The following JAG1 variants were observed in gnomAD, a reference collection of about 807,000 sequenced individuals.
JAG1 encodes the protein protein jagged-1.
A neutral mutation model predicts 148.7 loss-of-function variants in JAG1; 23 were observed. The ratio of observed to expected loss-of-function variants is 0.15; its 90% confidence interval spans 0.11 to 0.22. The LOEUF is 0.22. Ranked by LOEUF, JAG1 falls within the 10% of genes least tolerant of loss-of-function variation. The pLI, the probability that JAG1 is intolerant of heterozygous loss-of-function variation, is 1.00. For synonymous variants in JAG1, 572 were observed against 598.3 expected (o/e 0.96, Z 0.64); for missense variants, 1,054 against 1,611.2 (o/e 0.65, Z 5.92).
Position 10,673,173 on chromosome 20 carries a change from A to T in JAG1, c.82-167T>A. The T allele has an allele frequency of 1.4e-6, 1 of 696,114 alleles. No individual in the cohort carries two copies. The highest frequency in any genetic ancestry group is 1.8e-5 in the South Asian group (1 of 56,846). 43.1% of individuals were successfully genotyped at this position (696,114 alleles called of 1,614,324 possible). On this transcript the variant is annotated intron_variant, in intron 1 of 25. Transcript: ENST00000254958. The surrounding 1 kb of genome is among the most constrained non-coding windows in gnomAD (Gnocchi z 4.7). ...CTCAACATGATTCCGGGGCAAAAAA[A>T]AAAAAAAATGCACGAGTGCGGAAGA...
chr20:10,656,335 G>A (rs1600187766), intron 5 of JAG1, 63 bp downstream of exon 5: 1 of 1,332,106 alleles, frequency 7.5e-7, no homozygotes, highest in Non-Finnish European at 1.1e-6. Context: ...TCACAATAAA[G>A]TCAGTTCCTC....
Position 10,639,387 on chromosome 20 carries a change from T to C in JAG1, c.*111A>G, listed in dbSNP as rs1012617532. On this transcript the variant is annotated 3_prime_UTR_variant, in exon 26 of 26. Transcript: ENST00000254958. ...GTAAGCCAGCTTGTCAAAACTTAAA[T>C]TAACACAGGGATTCTAAGTCAGCAA... 11 of 1,034,518 alleles carry C rather than the reference T, an allele frequency of 1.1e-5. No homozygotes were observed. The highest frequency in any genetic ancestry group is 1.7e-5 in the Non-Finnish European group (11 of 653,498). 64.1% of individuals were successfully genotyped at this position (1,034,518 alleles called of 1,614,324 possible).
At chr20:10,654,238 T>G (rs552591706) in intron 5 of JAG1, among the ~76,000 whole-genome samples, 2 of 152,284 alleles carry the variant, frequency 1.3e-5, no homozygotes, top group African/African-American at 4.8e-5. Context: ...CAACCTCACC[T>G]AATTAAAGAG....
chr20:10,663,824 C>A, intron 3 of JAG1, 139 bp downstream of exon 3: 1 of 747,492 alleles, frequency 1.3e-6, no homozygotes. Flanking sequence ...GAAGGTTCAC[C>A]CTGGGGTACA....
intron 9 of JAG1, among the ~76,000 whole-genome samples, chr20:10,649,913 G>C (rs971326502): frequency 2.0e-5 from 3 of 152,164 alleles, no homozygotes; most frequent in Non-Finnish European, 4.4e-5. Flanking sequence ...CAAAACCCAG[G>C]CAGCCTAGTT....
chr20:10,650,741 T>G (rs537270367), intron 8 of JAG1: 1 of 281,622 alleles, frequency 3.6e-6, no homozygotes, highest in Non-Finnish European at 6.9e-6. Flanking sequence ...GTGGAAAACC[T>G]TATTCCTCTC....
At position 10,645,867 on chromosome 20, in the gene JAG1, G is replaced by A; in HGVS notation, c.1999+104C>T. 2.4e-6 allele frequency: 2 copies of A among 842,426 alleles called. No homozygotes were observed. Among genetic ancestry groups the A allele is most frequent in the South Asian group, 1.3e-5 (1 of 75,496 alleles). The allele number at this position is 842,426 out of a possible 1,614,324, so 52.2% of individuals were successfully genotyped here. A position where few individuals can be genotyped will look rare whatever the true frequency, so the allele number is the denominator to read the frequency against. On this transcript the variant is annotated intron_variant, in intron 15 of 25. Coordinates refer to ENST00000254958, the MANE Select transcript of JAG1 (RefSeq NM_000214.3). The surrounding 1 kb of genome is among the most constrained non-coding windows in gnomAD (Gnocchi z 6.1). ...CCAGTGCAGAAATCACTGCGGTCTT[G>A]CTTCCAGAGATTTCCAGTACAAAGA...
At chr20:10,666,323 A>G (rs746606182) in intron 2 of JAG1, among the ~76,000 whole-genome samples, 13 of 152,284 alleles carry the variant, frequency 8.5e-5, no homozygotes, top group Admixed American at 5.2e-4. Context: ...TGACCTCTGT[A>G]CATCCCTGAA....
At chr20:10,655,318 A>G (rs1048411501) in intron 5 of JAG1, among the ~76,000 whole-genome samples, 1 of 152,212 alleles carries the variant, frequency 6.6e-6, no homozygotes, top group Non-Finnish European at 1.5e-5. Context: ...CAAACCAAGG[A>G]CTAGGATTCT....
Position 10,645,535 on chromosome 20 carries a change from C to G in JAG1, c.2000-66G>C. 1.6e-6 allele frequency: 2 copies of G among 1,257,086 alleles called. No homozygotes were observed. The highest frequency in any genetic ancestry group is 1.9e-4 in the Middle Eastern group (1 of 5,326). The allele number at this position is 1,257,086 out of a possible 1,614,324, so 77.9% of individuals were successfully genotyped here. A position where few individuals can be genotyped will look rare whatever the true frequency, so the allele number is the denominator to read the frequency against. On this transcript the variant is annotated intron_variant, in intron 15 of 25. Coordinates refer to ENST00000254958, the MANE Select transcript of JAG1 (RefSeq NM_000214.3). This position sits in a 1 kb window ranked among gnomAD's most constrained non-coding sequence, Gnocchi z 6.1. The stretch of plus-strand genomic sequence containing the variant: ...AGGACCATTCACGACAGGCGAGAGC[C>G]AAGCCTTTCCTACTGCTTACATCCA...
At chr20:10,669,817 G>C (rs908283272) in intron 2 of JAG1, among the ~76,000 whole-genome samples, 4 of 152,122 alleles carry the variant, frequency 2.6e-5, no homozygotes, top group Non-Finnish European at 4.4e-5. Context: ...CTGGGATTTA[G>C]CACTAATTTT....
chr20:10,668,364 T>C (rs1030348379), intron 2 of JAG1, among the ~76,000 whole-genome samples: 12 of 152,150 alleles, frequency 7.9e-5, no homozygotes, highest in African/African-American at 2.9e-4. Flanking sequence ...CAAGAGTCAC[T>C]TCTCTCAGCA....
chr20:10,664,415 G>T lies in JAG1; in HGVS notation c.388-401C>A, dbSNP rs6133985. Reference sequence around the variant, plus strand: ...ACACACACACACACACACACACAAAGAATTTATTCTAAGCTAACCTAACCA... The same window carrying T: ...ACACACACACACACACACACACAAATAATTTATTCTAAGCTAACCTAACCA... On this transcript the variant is annotated intron_variant, in intron 2 of 25. Transcript: ENST00000254958. Among the ~76,000 whole-genome samples, 363 of 113,488 alleles carry T rather than the reference G, an allele frequency of 3.2e-3. 1 individual carries two copies. The highest frequency in any genetic ancestry group is 0.025 in the Middle Eastern group (5 of 200). 74.5% of individuals were successfully genotyped at this position (113,488 alleles called of 152,430 possible). A position where few individuals can be genotyped will look rare whatever the true frequency, so the allele number is the denominator to read the frequency against.
intron 18 of JAG1, 159 bp downstream of exon 18, chr20:10,644,704 C>A: frequency 1.4e-6 from 1 of 706,960 alleles, no homozygotes; most frequent in Non-Finnish European, 2.6e-6. Flanking sequence ...TTTCTCATGC[C>A]CAGGTCAGGG....
rs755710668 is a variant in JAG1 at position 10,668,466 on chromosome 20, AT to A, written c.387+4234del. On this transcript the variant is annotated intron_variant, in intron 2 of 25. Transcript: ENST00000254958. ...TGGAAGAATTTGCAGGAGTATTTGC[AT>A]TTATGGATTACAACGCTAATTGTAT... is the stretch of plus-strand genomic sequence containing the variant. Among the ~76,000 whole-genome samples the A allele has an allele frequency of 1.4e-4, 22 of 152,340 alleles. 1 individual carries two copies. The East Asian group carries it at 2.7e-3, about 19-fold the overall frequency.
intron 2 of JAG1, among the ~76,000 whole-genome samples, chr20:10,671,057 C>T (rs1206789003): frequency 2.0e-5 from 3 of 152,194 alleles, no homozygotes; most frequent in Non-Finnish European, 4.4e-5. Context: ...TTTTCCACAT[C>T]ACTAATAAGA....
At position 10,641,875 on chromosome 20, in the gene JAG1, T is replaced by C. The variant is rs142742183; in HGVS notation, c.2590A>G (p.Ile864Val). The part of the protein sequence containing the change: ...KCQEVSGRPC[I>V]TMGSVIPDGA... Reference sequence around the variant, plus strand: ...TCTGGTATCACACTCCCCATGGTGATGCAAGGTCTCCCTGAAACTGACAGG... The same window carrying C: ...TCTGGTATCACACTCCCCATGGTGACGCAAGGTCTCCCTGAAACTGACAGG... Residue 864 changes from isoleucine to valine, a missense_variant, in exon 22 of 26, where the codon ATC (isoleucine) becomes GTC (valine). Around this residue, in one of 6 missense-constraint regions of JAG1, gnomAD observed 342 missense variants for 514.6 expected, o/e 0.66. Coordinates refer to ENST00000254958, the MANE Select transcript of JAG1 (RefSeq NM_000214.3). 122 of 1,612,710 alleles carry C rather than the reference T, an allele frequency of 7.6e-5. No homozygotes were observed. The highest frequency in any genetic ancestry group is 9.4e-5 in the Non-Finnish European group (111 of 1,178,770).
At chr20:10,660,352 A>G (rs1036635311) in intron 3 of JAG1, among the ~76,000 whole-genome samples, 1 of 152,234 alleles carries the variant, frequency 6.6e-6, no homozygotes, top group Non-Finnish European at 1.5e-5. Flanking sequence ...TTTTGCAAAT[A>G]AACAGAGGCC....
intron 7 of JAG1, 94 bp from the exon 8 acceptor site, chr20:10,651,788 G>A (rs1016279793): frequency 1.3e-6 from 1 of 795,446 alleles, no homozygotes; most frequent in South Asian, 1.4e-5. Context: ...ACAGCCACTA[G>A]TGCAAGCATA....
Sources: gnomAD v4.1 joint callset for allele counts (sites outside exome capture counted in the v4.1 genomes callset) on GRCh38, gnomAD v4.1.1 for gene constraint, gnomAD v4.1.1 regional missense constraint, Gnocchi (gnomAD v3.1) non-coding constraint, MANE v1.5 for transcripts, NCBI Gene and HGNC (gene_info 2026-07-23, HGNC 2026-07-21) for gene names.